The following AFAP1L2 variants were observed in gnomAD, a reference collection of about 807,000 sequenced individuals.
The protein encoded by AFAP1L2 is actin filament-associated protein 1-like 2.
A neutral mutation model predicts 99.3 loss-of-function variants in AFAP1L2; 46 were observed. The ratio of observed to expected loss-of-function variants is 0.46; its 90% CI spans 0.37 to 0.59. The LOEUF is 0.59. Ranked by LOEUF, AFAP1L2 falls within the 20% of genes least tolerant of loss-of-function variation. The pLI is 0.00. For missense variants in AFAP1L2, 959 were observed against 1,034.9 expected (o/e 0.93, Z 1.01); for synonymous variants, 397 against 419.1 (o/e 0.95, Z 0.64).
At chr10:114,389,447 A>G (rs999538202) in intron 1 of AFAP1L2, among the ~76,000 whole-genome samples, 1 of 152,212 alleles carries the variant, frequency 6.6e-6, no homozygotes, top group African/African-American at 2.4e-5. Flanking sequence ...TGAACCCCCT[A>G]GCTCAGAGTC....
chr10:114,352,497 A>AAAAAAAAAAAAAAAAAAC, intron 1 of AFAP1L2, among the ~76,000 whole-genome samples: 1 of 151,060 alleles, frequency 6.6e-6, no homozygotes, highest in African/African-American at 2.4e-5. Context: ...AAAAAAAAAA[A>AAAAAAAAAAAAAAAAAAC]AAGCAACCGG....
intron 5 of AFAP1L2, among the ~76,000 whole-genome samples, chr10:114,318,271 G>C (rs1427672806): frequency 6.6e-6 from 1 of 152,202 alleles, no homozygotes; most frequent in Non-Finnish European, 1.5e-5. Flanking sequence ...AATGGAGGAG[G>C]CTACAGAGTT....
chr10:114,291,918 G>T (rs1490088993), downstream of AFAP1L2, among the ~76,000 whole-genome samples: 1 of 152,186 alleles, frequency 6.6e-6, no homozygotes, highest in African/African-American at 2.4e-5. Flanking sequence ...ATGGGCCCAG[G>T]TCTGGAGGGG....
At chr10:114,296,138 C>A in intron 18 of AFAP1L2, 70 bp from the exon 19 acceptor site, 1 of 1,597,568 alleles carries the variant, frequency 6.3e-7, no homozygotes, top group Non-Finnish European at 8.6e-7. Context: ...CTGTAGCAAC[C>A]TTGATATACA....
intron 1 of AFAP1L2, chr10:114,362,832 A>G: frequency 6.1e-6 from 4 of 658,132 alleles, no homozygotes; most frequent in Non-Finnish European, 7.5e-6. Flanking sequence ...CCACTGGATT[A>G]TAAGAATTTG....
chr10:114,360,887 C>G (rs142145649), intron 1 of AFAP1L2, among the ~76,000 whole-genome samples: 1 of 152,236 alleles, frequency 6.6e-6, no homozygotes, highest in East Asian at 1.9e-4. Flanking sequence ...AAGCAAAATT[C>G]CTGCATCATT....
chr10:114,389,440 A>G (rs111408849), intron 1 of AFAP1L2, among the ~76,000 whole-genome samples: 1 of 152,070 alleles, frequency 6.6e-6, no homozygotes, highest in Admixed American at 6.5e-5. Flanking sequence ...AGCAAAATGA[A>G]CCCCCTAGCT....
chr10:114,284,558 G>A, the AFAP1L2 span, among the ~76,000 whole-genome samples: 2 of 152,190 alleles, frequency 1.3e-5, no homozygotes, highest in Non-Finnish European at 2.9e-5. Flanking sequence ...TCTCAGTCTT[G>A]AGGCACCCAC....
At chr10:114,304,995 G>T in intron 10 of AFAP1L2, 65 bp from the exon 11 acceptor site, 1 of 1,340,672 alleles carries the variant, frequency 7.5e-7, no homozygotes. Context: ...ATGCAGGAGG[G>T]GGCGGGGCTT....
rs2043049046 is a variant in AFAP1L2, at chr10:114,310,419, G to C, written c.817C>G (p.Pro273Ala). The change falls in exon 8 of 19, where the codon CCT (proline) becomes GCT (alanine). Residue 273 changes from proline (P) to alanine (A), a missense_variant. Physicochemically the swap from Pro to Ala is conservative, Grantham distance 27. Around this residue, in one of 2 missense-constraint regions of AFAP1L2, gnomAD observed 383 missense variants for 472.8 expected, o/e 0.81. Transcript: ENST00000304129. The stretch of plus-strand genomic sequence containing the variant: ...TTTCCTTCAGATGCTCCTTCGGAAG[G>C]CAGGCCGCTCACTTCCTGGATGACC... ...LRVIQEVSGLPSEGASEGNQY... is the reference protein window; with the variant it reads ...LRVIQEVSGLASEGASEGNQY... 4 of 1,613,822 alleles carry C rather than the reference G, an allele frequency of 2.5e-6. No homozygotes were observed. The highest frequency in any genetic ancestry group is 3.4e-6 in the Non-Finnish European group (4 of 1,179,924).
At chr10:114,378,456 A>C (rs2055103566) in intron 1 of AFAP1L2, among the ~76,000 whole-genome samples, 1 of 152,204 alleles carries the variant, frequency 6.6e-6, no homozygotes, top group Admixed American at 6.5e-5. Context: ...AATGTTTAAA[A>C]TATTGCCATT....
chr10:114,401,602 T>A (rs556216979), intron 1 of AFAP1L2, among the ~76,000 whole-genome samples: 15 of 152,128 alleles, frequency 9.9e-5, no homozygotes, highest in Non-Finnish European at 1.8e-4. Context: ...AAGTGCCATC[T>A]CTCTAGGAAG....
downstream of AFAP1L2, chr10:114,291,403 A>G: frequency 1.3e-6 from 1 of 749,434 alleles, no homozygotes; most frequent in Non-Finnish European, 2.1e-6. Context: ...CTGAGGGAGG[A>G]GGATGTCCCA....
chr10:114,331,176 GAAC>G (rs1381050043), intron 4 of AFAP1L2, among the ~76,000 whole-genome samples: 3 of 152,064 alleles, frequency 2.0e-5, no homozygotes, highest in Non-Finnish European at 4.4e-5. Flanking sequence ...TGTTTAATAA[GAAC>G]TACTGGTAAG....
In AFAP1L2 at chr10:114,388,952, A is replaced by T. The variant is rs547316344; in HGVS notation, c.16+15488T>A. ...TGAAGAACAGCTAGAAGGAAGAGGC[A>T]TCAATAAGCAACATCCAGGGCATGA... On this transcript the variant is annotated intron_variant, in intron 1 of 18. Transcript: ENST00000304129. 2.0e-5 allele frequency among the ~76,000 whole-genome samples: 3 copies of T among 152,352 alleles called. No homozygotes were observed. The South Asian group carries it at 6.2e-4, about 32-fold the overall frequency.
rs1475257749 is a variant in AFAP1L2 at position 114,377,670 on chromosome 10, C to T, written c.16+26770G>A. Among the ~76,000 whole-genome samples the T allele has an allele frequency of 6.6e-6, 1 of 152,226 alleles. No homozygotes were observed. Among genetic ancestry groups the T allele is most frequent in the Non-Finnish European group, 1.5e-5 (1 of 68,052 alleles). ...GTTTATTTAATAATTATTTATTGAG[C>T]TGTCATACTTCAAGATACAAAAATG... On this transcript the variant is annotated intron_variant, in intron 1 of 18. Transcript: ENST00000304129. The surrounding 1 kb of genome is among the most constrained non-coding windows in gnomAD (Gnocchi z 4.0).
the AFAP1L2 span, chr10:114,289,040 C>T: frequency 3.2e-5 from 52 of 1,614,174 alleles, no homozygotes; most frequent in Admixed American, 5.0e-4. Context: ...AGAAGCTGTG[C>T]CCTCCAGTTT....
intron 11 of AFAP1L2, among the ~76,000 whole-genome samples, chr10:114,304,142 T>C (rs1480628023): frequency 3.3e-5 from 5 of 152,138 alleles, no homozygotes; most frequent in African/African-American, 1.2e-4. Flanking sequence ...GGAGCAAAGT[T>C]TGGATGAGGA....
chr10:114,327,813 G>A (rs1429636846), intron 4 of AFAP1L2, among the ~76,000 whole-genome samples: 1 of 152,222 alleles, frequency 6.6e-6, no homozygotes, highest in East Asian at 1.9e-4. Context: ...CACAAGAGCT[G>A]ATGAGGGGTG....
Sources: gnomAD v4.1 joint callset for allele counts (sites outside exome capture counted in the v4.1 genomes callset) on GRCh38, gnomAD v4.1.1 for gene constraint, gnomAD v4.1.1 regional missense constraint, Gnocchi (gnomAD v3.1) non-coding constraint, MANE v1.5 for transcripts, NCBI Gene and HGNC (gene_info 2026-07-23, HGNC 2026-07-21) for gene names.